FAM78B: variants seen among roughly 807,000 people sequenced by gnomAD.
FAM78B encodes protein FAM78B.
A neutral mutation model predicts 20.0 loss-of-function variants in FAM78B; 10 were observed. The observed-to-expected ratio is 0.50, with a 90% CI of 0.31 to 0.85. The LOEUF (loss-of-function observed/expected upper bound fraction) is 0.85, where lower values mean the gene tolerates loss of function less well. FAM78B is among the 40% of genes least tolerant of loss of function. FAM78B has a pLI of 0.05. For missense variants in FAM78B, 283 were observed against 345.0 expected (o/e 0.82, Z 1.42); for synonymous variants, 135 against 132.8 (o/e 1.02, Z -0.12).
At chr1:166,129,430 T>C (rs1276396478) in intron 1 of FAM78B, among the ~76,000 whole-genome samples, 1 of 152,208 alleles carries the variant, frequency 6.6e-6, no homozygotes, top group African/African-American at 2.4e-5. Flanking sequence ...AAACGATAAA[T>C]GGATTCAAGA....
At chr1:166,150,925 T>C (rs1341972014) in intron 1 of FAM78B, among the ~76,000 whole-genome samples, 1 of 152,092 alleles carries the variant, frequency 6.6e-6, no homozygotes, top group East Asian at 1.9e-4. Context: ...TCTCTACCTA[T>C]ATTTAAAAAA....
At chr1:166,163,728 T>G (rs1250467094) in intron 1 of FAM78B, among the ~76,000 whole-genome samples, 1 of 152,192 alleles carries the variant, frequency 6.6e-6, no homozygotes, top group Non-Finnish European at 1.5e-5. Flanking sequence ...TGGAAATTGG[T>G]TCATTCAAAT....
rs532832394 is a variant in FAM78B at position 166,166,228 on chromosome 1, G to A, written c.21C>T (p.Ile7=). The change falls in exon 1 of 2, where the codon ATC becomes ATT. Residue 7 remains isoleucine (I), a synonymous_variant. Coordinates refer to ENST00000354422, the MANE Select transcript of FAM78B (RefSeq NM_001017961.5). Reference sequence around the variant, plus strand: ...CGCGCCGGATCCGCGCCTTGCAGGTGATGCTTTGGATACAGCCCATCCTGC... The same window carrying A: ...CGCGCCGGATCCGCGCCTTGCAGGTAATGCTTTGGATACAGCCCATCCTGC... MGCIQS[I]TCKARIRREN... The A allele has an allele frequency of 2.0e-6, 3 of 1,534,122 alleles. No homozygotes were observed. Among genetic ancestry groups the A allele is most frequent in the South Asian group, 1.3e-5 (1 of 79,716 alleles).
In FAM78B at chr1:166,104,644, C is replaced by A. The variant is rs1023084952; in HGVS notation, c.264-33881G>T. Among the ~76,000 whole-genome samples, 5 of 152,284 alleles carry A rather than the reference C, an allele frequency of 3.3e-5. No homozygotes were observed. The East Asian group carries it at 7.7e-4, about 23-fold the overall frequency. ...ATCAAATAGCTAGGAATCCAACTTACAAGGGACGTGAAGGACCTCTTCAAG... is the reference window on the plus strand; with the variant it reads ...ATCAAATAGCTAGGAATCCAACTTAAAAGGGACGTGAAGGACCTCTTCAAG... On this transcript the variant is annotated intron_variant, in intron 1 of 1. Coordinates refer to ENST00000354422, the MANE Select transcript of FAM78B (RefSeq NM_001017961.5).
intron 1 of FAM78B, among the ~76,000 whole-genome samples, chr1:166,159,622 T>C (rs572613714): frequency 1.3e-5 from 2 of 152,196 alleles, no homozygotes; most frequent in South Asian, 4.2e-4. Flanking sequence ...CACTGATACT[T>C]TGCAGTCTGA....
chr1:166,065,557 A>T (rs1306458690), downstream of FAM78B, among the ~76,000 whole-genome samples: 1 of 152,178 alleles, frequency 6.6e-6, no homozygotes, highest in African/African-American at 2.4e-5. Flanking sequence ...TAAAGCACTT[A>T]TACATAAAGG....
In FAM78B at chr1:166,166,113, T is replaced by A. The variant is rs958716683; in HGVS notation, c.136A>T (p.Thr46Ser). 1 of 1,609,908 alleles carries A rather than the reference T, an allele frequency of 6.2e-7. No individual in the cohort carries two copies. Among genetic ancestry groups the A allele is most frequent in the Admixed American group, 1.7e-5 (1 of 59,574 alleles). ...ETSPIVLRYK[T>S]PYFKASARVV... ...CGGGCGGAGGCTTTGAAGTAGGGGGTCTTGTAGCGCAGGACGATGGGCGAG... is the reference window on the plus strand; with the variant it reads ...CGGGCGGAGGCTTTGAAGTAGGGGGACTTGTAGCGCAGGACGATGGGCGAG... The change falls in exon 1 of 2, where the codon ACC becomes TCC. Residue 46 changes from threonine (T) to serine (S), a missense_variant. Thr to Ser is a moderately conservative substitution (Grantham distance 58). Coordinates refer to ENST00000354422, the MANE Select transcript of FAM78B (RefSeq NM_001017961.5).
intron 1 of FAM78B, among the ~76,000 whole-genome samples, chr1:166,131,240 C>T (rs779724686): frequency 6.6e-6 from 1 of 152,112 alleles, no homozygotes; most frequent in East Asian, 1.9e-4. Context: ...GATCTGCCCG[C>T]CTCAGCCTCC....
chr1:166,139,781 GC>G (rs1296670566), intron 1 of FAM78B, among the ~76,000 whole-genome samples: 1 of 152,176 alleles, frequency 6.6e-6, no homozygotes, highest in African/African-American at 2.4e-5. Flanking sequence ...GGTCTGTGCT[GC>G]CCCAGAAACA....
At chr1:166,124,913 A>C (rs958500682) in intron 1 of FAM78B, among the ~76,000 whole-genome samples, 1 of 152,184 alleles carries the variant, frequency 6.6e-6, no homozygotes, top group Non-Finnish European at 1.5e-5. Context: ...GAAGGGACAC[A>C]GACACCCAGC....
intron 1 of FAM78B, among the ~76,000 whole-genome samples, chr1:166,072,550 C>T (rs559070031): frequency 6.6e-6 from 1 of 152,250 alleles, no homozygotes; most frequent in East Asian, 1.9e-4. Context: ...TTGAGTGGGT[C>T]AGAGGTTGTG....
intron 1 of FAM78B, 129 bp from the exon 2 acceptor site, chr1:166,070,892 G>T: frequency 1.1e-6 from 1 of 934,466 alleles, no homozygotes; most frequent in Non-Finnish European, 1.5e-6. Context: ...GGGAATTCAG[G>T]GCAAAAAGTT....
chr1:166,120,107 GATAA>G (rs1350253188), intron 1 of FAM78B, among the ~76,000 whole-genome samples: 1 of 152,216 alleles, frequency 6.6e-6, no homozygotes, highest in East Asian at 1.9e-4. Context: ...GAGAATCAAA[GATAA>G]ATAAAGTCCT....
chr1:166,069,190 A>C (rs1479220522), downstream of FAM78B, among the ~76,000 whole-genome samples: 2 of 152,094 alleles, frequency 1.3e-5, no homozygotes, highest in African/African-American at 2.4e-5. Context: ...CAAATATGCT[A>C]GTAATTATGC....
intron 2 of FAM78B, among the ~76,000 whole-genome samples, chr1:166,061,421 A>C (rs1269754019): frequency 2.0e-5 from 3 of 152,140 alleles, no homozygotes; most frequent in African/African-American, 7.2e-5. Flanking sequence ...TAATGACACA[A>C]ATTTTATGAT....
downstream of FAM78B, chr1:166,057,333 T>C (rs1651389362): frequency 6.6e-6 from 1 of 152,218 alleles, no homozygotes; most frequent in African/African-American, 2.4e-5. Flanking sequence ...GCCCTCTGTA[T>C]GTTCCAGAGC....
At chr1:166,109,842 A>ATATATG (rs1653944597) in intron 1 of FAM78B, among the ~76,000 whole-genome samples, 1 of 25,836 alleles carries the variant, frequency 3.9e-5, no homozygotes, top group Non-Finnish European at 1.0e-4. Flanking sequence ...GTATATATGT[A>ATATATG]TATATATATA....
chr1:166,106,054 T>A (rs569190797), intron 1 of FAM78B, among the ~76,000 whole-genome samples: 1 of 151,744 alleles, frequency 6.6e-6, no homozygotes, highest in East Asian at 1.9e-4. Flanking sequence ...ATGTCCTTTG[T>A]AGGGACATGG....
intron 1 of FAM78B, among the ~76,000 whole-genome samples, chr1:166,127,354 T>C (rs1460939908): frequency 6.6e-6 from 1 of 152,174 alleles, no homozygotes; most frequent in East Asian, 1.9e-4. Context: ...AGGAGGGAGC[T>C]TGGAATTAAG....
Sources: gnomAD v4.1 joint callset for allele counts (sites outside exome capture counted in the v4.1 genomes callset) on GRCh38, gnomAD v4.1.1 for gene constraint, MANE v1.5 for transcripts, NCBI Gene and HGNC (gene_info 2026-07-23, HGNC 2026-07-21) for gene names.